TLE3: variants seen among roughly 807,000 people sequenced by gnomAD.
TLE3 encodes TLE family member 3, transcriptional corepressor, also known as transducin-like enhancer protein 3.
A neutral mutation model predicts 93.0 loss-of-function variants in TLE3; 14 were observed. The observed-to-expected ratio is 0.15, with a 90% CI of 0.10 to 0.24. The LOEUF (loss-of-function observed/expected upper bound fraction) is 0.24. Ranked by LOEUF, TLE3 falls within the 10% of genes least tolerant of loss-of-function variation. The pLI, the probability that TLE3 is intolerant of heterozygous loss-of-function variation, is 1.00. For synonymous variants in TLE3, 451 were observed against 425.0 expected (o/e 1.06, Z -0.75); for missense variants, 693 against 1,046.6 (o/e 0.66, Z 4.66).
At chr15:70,054,794 C>T in intron 15 of TLE3, 109 bp from the exon 16 acceptor site, 1 of 1,396,042 alleles carries the variant, frequency 7.2e-7, no homozygotes, top group Non-Finnish European at 9.5e-7. Flanking sequence ...TTACAGCCTC[C>T]CCCTATACCC....
chr15:70,097,839 T>A lies in TLE3; in HGVS notation c.-1041A>T. On this transcript the variant is annotated 5_prime_UTR_variant, in exon 1 of 20. Transcript: ENST00000451782. ...ACCAAAAAAAAAAGTGCCCCGGACC[T>A]ACGGATACCACACACAGACAGGCGA... 2.8e-6 allele frequency: 1 copy of A among 356,308 alleles called. No individual in the cohort carries two copies. The highest frequency in any genetic ancestry group is 5.0e-6 in the Non-Finnish European group (1 of 200,052). 22.1% of individuals were successfully genotyped at this position (356,308 alleles called of 1,614,324 possible). A position where few individuals can be genotyped will look rare whatever the true frequency, so the allele number is the denominator to read the frequency against.
At chr15:70,059,696 T>C (rs1406130835) in intron 9 of TLE3, among the ~76,000 whole-genome samples, 1 of 152,216 alleles carries the variant, frequency 6.6e-6, no homozygotes, top group Non-Finnish European at 1.5e-5. Flanking sequence ...CTGTACCCAC[T>C]GGGCAGCCGC....
At chr15:70,081,897 C>T (rs1343560611) in intron 4 of TLE3, among the ~76,000 whole-genome samples, 1 of 152,188 alleles carries the variant, frequency 6.6e-6, no homozygotes. Flanking sequence ...GGTTACTCCT[C>T]TAGAAAATGT....
intron 6 of TLE3, among the ~76,000 whole-genome samples, chr15:70,073,400 A>T (rs1874076076): frequency 6.6e-6 from 1 of 152,198 alleles, no homozygotes; most frequent in Admixed American, 6.5e-5. Flanking sequence ...GCAGAGGAAA[A>T]TTGTGGGGCC....
intron 4 of TLE3, among the ~76,000 whole-genome samples, chr15:70,087,660 A>C (rs951485964): frequency 6.6e-6 from 1 of 152,172 alleles, no homozygotes; most frequent in African/African-American, 2.4e-5. Context: ...CCTGGGAGAG[A>C]ACAGGACAAC....
At chr15:70,060,757 G>A in intron 8 of TLE3, 108 bp from the exon 9 acceptor site, 2 of 1,544,632 alleles carry the variant, frequency 1.3e-6, no homozygotes, top group Non-Finnish European at 8.7e-7. Flanking sequence ...GGAGGGAAGA[G>A]AAGCTGAACT....
At chr15:70,064,063 T>G (rs568682570) in intron 8 of TLE3, among the ~76,000 whole-genome samples, 1 of 152,028 alleles carries the variant, frequency 6.6e-6, no homozygotes, top group African/African-American at 2.4e-5. Context: ...CCTCTCAGAG[T>G]ATCACCTCTC....
intron 18 of TLE3, among the ~76,000 whole-genome samples, chr15:70,052,151 C>CCTGAGAGT (rs1422631643): frequency 6.6e-6 from 1 of 152,220 alleles, no homozygotes; most frequent in African/African-American, 2.4e-5. Context: ...GGCCTAGTGT[C>CCTGAGAGT]CTGAGAGTTC....
intron 3 of TLE3, 188 bp downstream of exon 3, chr15:70,095,390 C>T: frequency 6.8e-7 from 1 of 1,465,200 alleles, no homozygotes. Flanking sequence ...CCTCACTCAC[C>T]CTCCTCCAAG....
chr15:70,094,624 C>T, intron 3 of TLE3, 48 bp from the exon 4 acceptor site: 25 of 1,389,348 alleles, frequency 1.8e-5, no homozygotes, highest in Non-Finnish European at 2.4e-5. Context: ...GAAATCTGGT[C>T]ATTTTTCAAA....
At position 70,096,112 on chromosome 15, in the gene TLE3, G is replaced by A. The variant is rs915695992; in HGVS notation, c.125+49C>T. 7 of 1,376,736 alleles carry A rather than the reference G, an allele frequency of 5.1e-6. No individual in the cohort carries two copies. The African/African-American group carries it at 1.6e-4, about 32-fold the overall frequency. 85.3% of individuals were successfully genotyped at this position (1,376,736 alleles called of 1,614,324 possible). On this transcript the variant is annotated intron_variant, in intron 2 of 19. Coordinates refer to ENST00000451782, the MANE Select transcript of TLE3 (RefSeq NM_001105192.3). ...GCGGGGGATGGCAGGAGCCGCGCAG[G>A]GGACCCACCCCTCCCCGCCAGCCCC...
chr15:70,070,419 AAGCATTTCCAG>A (rs2057081145), intron 6 of TLE3, among the ~76,000 whole-genome samples: 1 of 152,238 alleles, frequency 6.6e-6, no homozygotes, highest in South Asian at 2.1e-4. Flanking sequence ...GAAGTTGTCT[AAGCATTTCCAG>A]AGCCAAGACC....
intron 4 of TLE3, among the ~76,000 whole-genome samples, chr15:70,090,249 G>A (rs550801698): frequency 1.4e-5 from 2 of 145,438 alleles, no homozygotes; most frequent in Admixed American, 1.4e-4. Context: ...CTGTTCCAGG[G>A]AAGATCAATA....
At position 70,052,677 on chromosome 15, in the gene TLE3, C is replaced by T. The variant is rs2055655409; in HGVS notation, c.1975-153G>A. The T allele has an allele frequency of 1.4e-5, 10 of 728,528 alleles. No homozygotes were observed. The South Asian group carries it at 2.7e-4, about 20-fold the overall frequency. 45.1% of individuals were successfully genotyped at this position (728,528 alleles called of 1,614,324 possible). On this transcript the variant is annotated intron_variant, in intron 17 of 19. Transcript: ENST00000451782. ...GGAGTATGGGAGGTCATTTTCCATC[C>T]CCATTTTATAGGTGAGAAAGCACAG...
At chr15:70,068,393 C>T (rs1164980138) in intron 6 of TLE3, among the ~76,000 whole-genome samples, 1 of 152,144 alleles carries the variant, frequency 6.6e-6, no homozygotes, top group African/African-American at 2.4e-5. Flanking sequence ...CTGGTGTGGT[C>T]GGACAATACA....
chr15:70,093,667 C>A (rs910154723), intron 4 of TLE3, among the ~76,000 whole-genome samples: 1 of 152,244 alleles, frequency 6.6e-6, no homozygotes, highest in Admixed American at 6.5e-5. Context: ...AGGCCTCTCC[C>A]ACAGCCCAGC....
Position 70,062,125 on chromosome 15 carries a change from G to A in TLE3, c.595-1476C>T, listed in dbSNP as rs573514320. 8.5e-5 allele frequency among the ~76,000 whole-genome samples: 13 copies of A among 152,290 alleles called. No individual in the cohort carries two copies. The South Asian group carries it at 1.2e-3, about 15-fold the overall frequency. On this transcript the variant is annotated intron_variant, in intron 8 of 19. Transcript: ENST00000451782. Reference sequence around the variant, plus strand: ...GCCCTACCCGGCCAAGTTTCTGCCCGAAGCAAATTAAAATGGCAGAGTTAT... The same window carrying A: ...GCCCTACCCGGCCAAGTTTCTGCCCAAAGCAAATTAAAATGGCAGAGTTAT...
chr15:70,056,102 A>G, intron 14 of TLE3, 196 bp downstream of exon 14: 4 of 659,186 alleles, frequency 6.1e-6, no homozygotes, highest in Non-Finnish European at 1.1e-5. Context: ...GTGGGTGCTC[A>G]GAAGTGTGGC....
intron 1 of TLE3, chr15:70,096,536 G>C (rs777300890): frequency 1.3e-5 from 18 of 1,357,054 alleles, no homozygotes; most frequent in African/African-American, 4.3e-5. Flanking sequence ...ACTTCAGAGC[G>C]GGGCCGGGGA....
Sources: allele counts gnomAD v4.1 joint callset (sites outside exome capture counted in the v4.1 genomes callset), GRCh38; gene constraint gnomAD v4.1.1; transcripts MANE v1.5; gene names NCBI Gene and HGNC (gene_info 2026-07-23, HGNC 2026-07-21).